VWA8: variants seen among roughly 807,000 people sequenced by gnomAD.
The protein encoded by VWA8 is von Willebrand factor A domain-containing protein 8.
In VWA8, 221 loss-of-function variants were observed where a neutral mutation model predicts 241.5. The observed-to-expected ratio is 0.91, with a 90% CI of 0.82 to 1.02. The LOEUF (loss-of-function observed/expected upper bound fraction) is 1.02. Among genes scored for constraint, VWA8 ranks in the 50% least tolerant of loss-of-function variants. The probability of loss-of-function intolerance (pLI) is 0.00; values close to 1 mark genes in which losing one functional copy is unlikely to be tolerated. For synonymous variants in VWA8, 852 were observed against 827.1 expected, an observed-to-expected ratio of 1.03 and a Z score of -0.52; for missense variants, 2,322 against 2,328.7, an observed-to-expected ratio of 1.00 and a Z score of 0.06.
intron 2 of VWA8, among the ~76,000 whole-genome samples, chr13:41,915,164 A>T (rs1876191966): frequency 6.6e-6 from 1 of 152,224 alleles, no homozygotes; most frequent in African/African-American, 2.4e-5. Flanking sequence ...TACTTTCTTA[A>T]GTAGAAGAGA....
chr13:41,802,625 T>C (rs1327471532), intron 17 of VWA8, among the ~76,000 whole-genome samples: 1 of 152,198 alleles, frequency 6.6e-6, no homozygotes, highest in African/African-American at 2.4e-5. Flanking sequence ...AAGAGGACTT[T>C]GTCTTACAAT....
rs969944577 is a variant in VWA8 at position 41,811,363 on chromosome 13, T to G, written c.1948-23A>C. 3.2e-6 allele frequency: 5 copies of G among 1,572,998 alleles called. No individual in the cohort carries two copies. In the East Asian group the frequency reaches 1.1e-4, roughly 36 times the overall value. On this transcript the variant is annotated intron_variant, in intron 16 of 44. Transcript: ENST00000379310. ...TGCCTATCAAAAGACAAATACATTG[T>G]GTTAAGAGTCTTGTTTCAACTTGCT...
At chr13:41,571,793 C>T (rs1014828793) in intron 43 of VWA8, among the ~76,000 whole-genome samples, 1 of 152,148 alleles carries the variant, frequency 6.6e-6, no homozygotes, top group Non-Finnish European at 1.5e-5. Context: ...TGAGGAGCGT[C>T]TCTGCCTGGC....
intron 36 of VWA8, among the ~76,000 whole-genome samples, chr13:41,674,250 T>C (rs1055137645): frequency 1.3e-5 from 2 of 152,304 alleles, no homozygotes; most frequent in Admixed American, 1.3e-4. Context: ...TATCTTCTTC[T>C]AGGGGTTGGA....
At chr13:41,754,771 C>T (rs2045681757) in intron 21 of VWA8, among the ~76,000 whole-genome samples, 1 of 152,124 alleles carries the variant, frequency 6.6e-6, no homozygotes, top group Non-Finnish European at 1.5e-5. Context: ...TTCCTAGCCT[C>T]TGGTGACCAC....
intron 42 of VWA8, among the ~76,000 whole-genome samples, chr13:41,585,291 C>G (rs906511840): frequency 6.6e-6 from 1 of 152,158 alleles, no homozygotes; most frequent in African/African-American, 2.4e-5. Context: ...ATACCACCTC[C>G]CTGGAGGCAT....
chr13:41,615,229 G>A, intron 37 of VWA8, 145 bp from the exon 38 acceptor site: 1 of 731,350 alleles, frequency 1.4e-6, no homozygotes, highest in South Asian at 2.3e-5. Context: ...GTGAGTATTT[G>A]GCAAAAATTC....
intron 1 of VWA8, among the ~76,000 whole-genome samples, chr13:41,954,960 T>C (rs1878290722): frequency 6.6e-6 from 1 of 152,260 alleles, no homozygotes; most frequent in Non-Finnish European, 1.5e-5. Flanking sequence ...TACTGTTTAG[T>C]CTACAGGACT....
chr13:41,760,693 A>C (rs1254784390), intron 21 of VWA8, among the ~76,000 whole-genome samples: 9 of 152,024 alleles, frequency 5.9e-5, no homozygotes, highest in African/African-American at 2.2e-4. Context: ...AACTTTAAGG[A>C]AGGCAAGGAG....
chr13:41,681,027 A>G (rs1185988352), intron 35 of VWA8, among the ~76,000 whole-genome samples: 1 of 152,202 alleles, frequency 6.6e-6, no homozygotes, highest in Non-Finnish European at 1.5e-5. Flanking sequence ...GCATTGTTCA[A>G]TGCTAACAAG....
intron 37 of VWA8, among the ~76,000 whole-genome samples, chr13:41,655,591 T>C (rs569040102): frequency 1.2e-3 from 179 of 152,356 alleles, no homozygotes; most frequent in African/African-American, 4.1e-3. Context: ...ACAGAAATTA[T>C]AGAGTTTGGA....
intron 37 of VWA8, among the ~76,000 whole-genome samples, chr13:41,624,651 C>T (rs1297627782): frequency 6.6e-6 from 1 of 152,122 alleles, no homozygotes; most frequent in Non-Finnish European, 1.5e-5. Context: ...CCTTAACAAA[C>T]TAGGCATTAA....
chr13:41,777,959 G>A, intron 20 of VWA8, 26 bp downstream of exon 20: 1 of 1,567,396 alleles, frequency 6.4e-7, no homozygotes, highest in East Asian at 2.3e-5. Flanking sequence ...TTTTTCATTG[G>A]TACCTAGATT....
At chr13:41,788,074 C>T (rs945975342) in intron 17 of VWA8, among the ~76,000 whole-genome samples, 1 of 152,148 alleles carries the variant, frequency 6.6e-6, no homozygotes, top group Non-Finnish European at 1.5e-5. Flanking sequence ...AAACAACCAT[C>T]TAGTGAGTGA....
chr13:41,609,527 C>T (rs1404123662), intron 39 of VWA8, among the ~76,000 whole-genome samples: 1 of 151,966 alleles, frequency 6.6e-6, no homozygotes, highest in African/African-American at 2.4e-5. Context: ...GTTGGGGGGT[C>T]GGGTCCATCG....
chr13:41,951,929 T>C (rs553165598), intron 1 of VWA8, among the ~76,000 whole-genome samples: 1 of 152,164 alleles, frequency 6.6e-6, no homozygotes, highest in Admixed American at 6.5e-5. Flanking sequence ...AGATAAGGAC[T>C]ACACACAAAG....
chr13:41,598,511 G>A (rs917772512), intron 40 of VWA8, among the ~76,000 whole-genome samples: 2 of 151,956 alleles, frequency 1.3e-5, no homozygotes, highest in African/African-American at 2.4e-5. Context: ...ATATCACAAG[G>A]TTCCCATTCT....
intron 20 of VWA8, among the ~76,000 whole-genome samples, chr13:41,772,620 C>G (rs1299389133): frequency 6.6e-6 from 1 of 152,196 alleles, no homozygotes; most frequent in African/African-American, 2.4e-5. Context: ...TCATGGTACT[C>G]TATCCCACTT....
intron 13 of VWA8, among the ~76,000 whole-genome samples, chr13:41,833,158 G>A (rs1440538279): frequency 6.6e-6 from 1 of 152,016 alleles, no homozygotes; most frequent in Non-Finnish European, 1.5e-5. Flanking sequence ...TGCTACAGGA[G>A]TGGCTTTTCC....
Sources: gnomAD v4.1 joint callset for allele counts (sites outside exome capture counted in the v4.1 genomes callset) on GRCh38, gnomAD v4.1.1 for gene constraint, MANE v1.5 for transcripts, NCBI Gene and HGNC (gene_info 2026-07-23, HGNC 2026-07-21) for gene names.